The following ACAP2 variants were observed in gnomAD, a reference collection of about 807,000 sequenced individuals.
ACAP2 encodes the protein ArfGAP with coiled-coil, ankyrin repeat and PH domains 2.
In ACAP2, 39 loss-of-function variants were observed where a neutral mutation model predicts 115.8. The observed-to-expected ratio is 0.34, with a 90% CI of 0.26 to 0.44. The LOEUF (loss-of-function observed/expected upper bound fraction) is 0.44, where lower values mean the gene tolerates loss of function less well. Among genes scored for constraint, ACAP2 ranks in the 20% least tolerant of loss-of-function variants. The pLI is 1.00. For missense variants in ACAP2, 662 were observed against 927.6 expected (o/e 0.71, Z 3.72); for synonymous variants, 289 against 315.8 (o/e 0.92, Z 0.90).
At position 195,314,238 on chromosome 3, in the gene ACAP2, G is replaced by A. The variant is rs112600522; in HGVS notation, c.858-5401C>T. 7.2e-3 allele frequency among the ~76,000 whole-genome samples: 1,070 copies of A among 149,298 alleles called. 14 individuals carry two copies. Among genetic ancestry groups the A allele is most frequent in the African/African-American group, 0.025 (1,018 of 40,492 alleles). ...TAATTTTTGTGGGTACATAGTAAGC[G>A]TATCTTATTTATGGGAGAAAGAAGA... is the stretch of plus-strand genomic sequence containing the variant. On this transcript the variant is annotated intron_variant, in intron 10 of 22. Transcript: ENST00000326793.
chr3:195,340,443 G>A (rs1560262242), intron 6 of ACAP2, among the ~76,000 whole-genome samples: 1 of 151,908 alleles, frequency 6.6e-6, no homozygotes, highest in East Asian at 1.9e-4. Flanking sequence ...AATAACAGGT[G>A]GTGATTCAAG....
At chr3:195,426,525 AG>A (rs1714696960) in intron 1 of ACAP2, among the ~76,000 whole-genome samples, 1 of 152,216 alleles carries the variant, frequency 6.6e-6, no homozygotes, top group Non-Finnish European at 1.5e-5. Context: ...CTAGAGAAGC[AG>A]GGTATCAACA....
At chr3:195,363,629 A>T (rs1278885045) in intron 4 of ACAP2, among the ~76,000 whole-genome samples, 2 of 136,504 alleles carry the variant, frequency 1.5e-5, no homozygotes, top group Non-Finnish European at 3.1e-5. Flanking sequence ...ACATACACAC[A>T]CACACACACA....
intron 10 of ACAP2, among the ~76,000 whole-genome samples, chr3:195,311,606 G>A (rs1389370688): frequency 1.3e-5 from 2 of 152,050 alleles, no homozygotes; most frequent in African/African-American, 4.8e-5. Flanking sequence ...GCACGATCTC[G>A]GCTCACTGCA....
rs186202284 is a variant in ACAP2 at position 195,396,726 on chromosome 3, G to T, written c.54-4579C>A. ...TGCTTGAACCCGGGAGGCAGAGGTT[G>T]CAGTGAGCCAAGATTGCATCACTGC... is the stretch of plus-strand genomic sequence containing the variant. On this transcript the variant is annotated intron_variant, in intron 1 of 22. Transcript: ENST00000326793. 9.8e-3 allele frequency among the ~76,000 whole-genome samples: 1,344 copies of T among 137,812 alleles called. 10 individuals carry two copies. The highest frequency in any genetic ancestry group is 0.015 in the Non-Finnish European group (1,019 of 65,930). The allele number at this position is 137,812 out of a possible 152,430, so 90.4% of individuals were successfully genotyped here. A position where few individuals can be genotyped will look rare whatever the true frequency, so the allele number is the denominator to read the frequency against.
intron 15 of ACAP2, among the ~76,000 whole-genome samples, chr3:195,297,644 G>C (rs914545107): frequency 6.6e-6 from 1 of 152,194 alleles, no homozygotes; most frequent in Non-Finnish European, 1.5e-5. Flanking sequence ...ACACAGTAAG[G>C]TGCAGTAAGT....
chr3:195,385,388 TAA>T (rs57423683), intron 2 of ACAP2, among the ~76,000 whole-genome samples: 7 of 113,912 alleles, frequency 6.1e-5, no homozygotes, highest in African/African-American at 9.5e-5. Flanking sequence ...ACAAACTTAG[TAA>T]AAAAAAAAAA....
rs375138615 is a variant in ACAP2, at chr3:195,302,539, T to C, written c.1117-365A>G. 4.4e-4 allele frequency among the ~76,000 whole-genome samples: 67 copies of C among 151,968 alleles called. No homozygotes were observed. In the Middle Eastern group the frequency reaches 0.017, roughly 39 times the overall value. On this transcript the variant is annotated intron_variant, in intron 13 of 22. Transcript: ENST00000326793. Reference sequence around the variant, plus strand: ...GAATGAAATAAATATTATTGTTTTATACCACACTTTTCCAAGGCGTTCAAT... The same window carrying C: ...GAATGAAATAAATATTATTGTTTTACACCACACTTTTCCAAGGCGTTCAAT...
intron 4 of ACAP2, among the ~76,000 whole-genome samples, chr3:195,359,393 GACAAT>G (rs1434517473): frequency 2.0e-5 from 3 of 152,174 alleles, no homozygotes; most frequent in Non-Finnish European, 4.4e-5. Flanking sequence ...TTTCAACAGA[GACAAT>G]ACAATAATAT....
intron 1 of ACAP2, among the ~76,000 whole-genome samples, chr3:195,404,670 C>T (rs1022286583): frequency 6.6e-6 from 1 of 150,414 alleles, no homozygotes; most frequent in Non-Finnish European, 1.5e-5. Flanking sequence ...TACACACACA[C>T]ACACATATAT....
At chr3:195,341,155 T>C (rs1460278220) in intron 6 of ACAP2, among the ~76,000 whole-genome samples, 5 of 152,146 alleles carry the variant, frequency 3.3e-5, no homozygotes, top group Admixed American at 3.3e-4. Context: ...CCATGATATA[T>C]AGAAACACGC....
chr3:195,332,476 C>T (rs909863970), intron 8 of ACAP2, among the ~76,000 whole-genome samples: 9 of 152,004 alleles, frequency 5.9e-5, no homozygotes, highest in Non-Finnish European at 1.2e-4. Flanking sequence ...TTTGGGTATA[C>T]CCAAAACGCA....
rs538316584 is a variant in ACAP2, at chr3:195,380,892, T to C, written c.285+117A>G. ...ATTTTAGATTCACCCAGCTAAAAAG[T>C]TGACGACCAATCAAAGCCATGTAAT... On this transcript the variant is annotated intron_variant, in intron 4 of 22. Transcript: ENST00000326793. 1.0e-4 allele frequency: 91 copies of C among 894,158 alleles called. 1 individual carries two copies. Among genetic ancestry groups the C allele is most frequent in the African/African-American group, 9.9e-4 (58 of 58,404 alleles). 55.4% of individuals were successfully genotyped at this position (894,158 alleles called of 1,614,324 possible).
Position 195,289,141 on chromosome 3 carries a change from G to A in ACAP2, c.2154C>T (p.Ala718=), listed in dbSNP as rs1169835564. The A allele has an allele frequency of 2.5e-6, 4 of 1,610,432 alleles. No individual in the cohort carries two copies. Among genetic ancestry groups the A allele is most frequent in the Admixed American group, 3.4e-5 (2 of 59,028 alleles). Residue 718 remains alanine, a synonymous_variant, in exon 21 of 23, where the codon GCC becomes GCT. Transcript: ENST00000326793. ...KDPLSIAVEA[A]NADIVTLLRL... ...CTTACAAGGTGACTATATCAGCATTGGCTGCTTCCACAGCTATGCTCAAAG... is the reference window on the plus strand; with the variant it reads ...CTTACAAGGTGACTATATCAGCATTAGCTGCTTCCACAGCTATGCTCAAAG...
chr3:195,426,767 G>GT (rs1488411038), intron 1 of ACAP2, among the ~76,000 whole-genome samples: 1 of 152,108 alleles, frequency 6.6e-6, no homozygotes. Context: ...TGATTATAAG[G>GT]TCATATGTAA....
intron 1 of ACAP2, among the ~76,000 whole-genome samples, chr3:195,427,980 C>CATAT (rs756444439): frequency 2.6e-3 from 359 of 136,372 alleles, no homozygotes; most frequent in African/African-American, 9.0e-3. Flanking sequence ...CACACAGATG[C>CATAT]ATATATATAT....
intron 1 of ACAP2, among the ~76,000 whole-genome samples, chr3:195,405,503 G>A (rs1400560289): frequency 6.6e-6 from 1 of 152,044 alleles, no homozygotes; most frequent in Non-Finnish European, 1.5e-5. Flanking sequence ...TGATCAACGT[G>A]GTGAAACCCC....
chr3:195,368,181 T>C (rs1169756008), intron 4 of ACAP2, among the ~76,000 whole-genome samples: 1 of 152,158 alleles, frequency 6.6e-6, no homozygotes, highest in Non-Finnish European at 1.5e-5. Flanking sequence ...ACCAAGTCTC[T>C]CTCTGTCACC....
intron 5 of ACAP2, among the ~76,000 whole-genome samples, chr3:195,343,870 A>G (rs1410800666): frequency 6.6e-6 from 1 of 152,234 alleles, no homozygotes; most frequent in Non-Finnish European, 1.5e-5. Context: ...AAGATGCCAT[A>G]AACTGTTATG....
Sources: gnomAD v4.1 joint callset for allele counts (sites outside exome capture counted in the v4.1 genomes callset) on GRCh38, gnomAD v4.1.1 for gene constraint, MANE v1.5 for transcripts, NCBI Gene and HGNC (gene_info 2026-07-23, HGNC 2026-07-21) for gene names.